The following PDE1C variants were observed in gnomAD, a reference collection of about 807,000 sequenced individuals.
The protein encoded by PDE1C is dual specificity calcium/calmodulin-dependent 3',5'-cyclic nucleotide phosphodiesterase 1C.
PDE1C carries 62 observed loss-of-function variants against 93.1 expected under a neutral mutation model. The ratio of observed to expected loss-of-function variants is 0.67; its 90% CI spans 0.54 to 0.82. The LOEUF (loss-of-function observed/expected upper bound fraction) is 0.82. PDE1C is among the 40% of genes least tolerant of loss of function. PDE1C has a pLI of 0.00. For missense variants in PDE1C, 742 were observed against 884.6 expected (o/e 0.84, Z 2.04); for synonymous variants, 325 against 310.1 (o/e 1.05, Z -0.50).
At chr7:31,725,267 C>T in the PDE1C span, among the ~76,000 whole-genome samples, 1 of 152,292 alleles carries the variant, frequency 6.6e-6, no homozygotes, top group South Asian at 2.1e-4. Flanking sequence ...GAAGGGAGCT[C>T]TCTCTACATT....
chr7:32,293,389 G>A (rs1290065878), intron 1 of PDE1C, among the ~76,000 whole-genome samples: 1 of 152,120 alleles, frequency 6.6e-6, no homozygotes, highest in South Asian at 2.1e-4. Context: ...CATTGTGAGA[G>A]CTCCTCAGGC....
At chr7:32,169,455 T>G (rs1431120194) in intron 3 of PDE1C, among the ~76,000 whole-genome samples, 2 of 152,202 alleles carry the variant, frequency 1.3e-5, no homozygotes, top group African/African-American at 4.8e-5. Flanking sequence ...CTCTATGCCC[T>G]TATCTGGATG....
At chr7:31,836,087 T>C (rs1791059544) in intron 11 of PDE1C, among the ~76,000 whole-genome samples, 1 of 152,190 alleles carries the variant, frequency 6.6e-6, no homozygotes, top group Admixed American at 6.5e-5. Flanking sequence ...ATTAACTGAA[T>C]TAGCTGTATT....
intron 2 of PDE1C, among the ~76,000 whole-genome samples, chr7:32,043,965 T>C (rs1235448799): frequency 6.6e-6 from 1 of 152,192 alleles, no homozygotes; most frequent in African/African-American, 2.4e-5. Flanking sequence ...ACTATGACGT[T>C]AGTTCTGACC....
chr7:31,641,038 G>C, the PDE1C span, among the ~76,000 whole-genome samples: 109,014 of 151,968 alleles, frequency 0.72, 39,782 homozygotes, highest in East Asian at 0.83. Context: ...GGGTTGGCCA[G>C]CTCTGAGACT....
chr7:31,884,294 A>C lies in PDE1C; in HGVS notation c.129-3434T>G, dbSNP rs144228394. Among the ~76,000 whole-genome samples the C allele has an allele frequency of 9.8e-5, 15 of 152,360 alleles. No individual in the cohort carries two copies. The East Asian group carries it at 2.9e-3, about 29-fold the overall frequency. ...GTGAAAGGATTCACTTTTGAAAAAAAAAATCACTAATGGAAACAGAAGTGA... is the reference window on the plus strand; with the variant it reads ...GTGAAAGGATTCACTTTTGAAAAAACAAATCACTAATGGAAACAGAAGTGA... On this transcript the variant is annotated intron_variant, in intron 2 of 17. Coordinates refer to ENST00000396191, the MANE Select transcript of PDE1C (RefSeq NM_001191057.4).
At chr7:32,114,258 T>C (rs1798857243) in intron 3 of PDE1C, among the ~76,000 whole-genome samples, 1 of 152,156 alleles carries the variant, frequency 6.6e-6, no homozygotes, top group Non-Finnish European at 1.5e-5. Context: ...AATATGGTAC[T>C]GCTACAAAAA....
chr7:32,078,993 T>G lies in PDE1C; in HGVS notation c.308+90792A>C, dbSNP rs1019124828. Among the ~76,000 whole-genome samples the G allele has an allele frequency of 2.6e-5, 4 of 152,098 alleles. No individual in the cohort carries two copies. In the East Asian group the frequency reaches 7.7e-4, roughly 29 times the overall value. On this transcript the variant is annotated intron_variant, in intron 3 of 18. Transcript: ENST00000396193. ...CCAATAGGGAAGCATTAAAATCTGT[T>G]GAGCAGGTGTGTAGGAGATGCAAAG...
chr7:31,648,844 T>G, the PDE1C span, among the ~76,000 whole-genome samples: 1 of 152,192 alleles, frequency 6.6e-6, no homozygotes, highest in African/African-American at 2.4e-5. Context: ...GACTCAGATC[T>G]TAGAAGAAAA....
chr7:31,904,540 A>G lies in PDE1C; in HGVS notation c.129-23680T>C, dbSNP rs529932378. Among the ~76,000 whole-genome samples the G allele has an allele frequency of 1.9e-3, 292 of 152,144 alleles. 1 individual carries two copies. Among genetic ancestry groups the G allele is most frequent in the African/African-American group, 6.2e-3 (259 of 41,514 alleles). Reference sequence around the variant, plus strand: ...TTTAAATATGGAGCAAGTTTTATGTATAAGTATTACTCTACTGATCCCTGC... The same window carrying G: ...TTTAAATATGGAGCAAGTTTTATGTGTAAGTATTACTCTACTGATCCCTGC... On this transcript the variant is annotated intron_variant, in intron 2 of 17. Transcript: ENST00000396191.
At position 31,753,328 on chromosome 7, in the gene PDE1C, G is replaced by C; in HGVS notation, c.*56C>G. 2 of 1,574,796 alleles carry C rather than the reference G, an allele frequency of 1.3e-6. No homozygotes were observed. Among genetic ancestry groups the C allele is most frequent in the Non-Finnish European group, 8.6e-7 (1 of 1,160,746 alleles). On this transcript the variant is annotated 3_prime_UTR_variant, in exon 18 of 18. Transcript: ENST00000396191. ...AGGTGTGTCCTGCTGTGGCCAGTGG[G>C]TGCTGAGAAGCAGATAGGTAGACCC... is the stretch of plus-strand genomic sequence containing the variant.
intron 1 of PDE1C, among the ~76,000 whole-genome samples, chr7:32,283,169 T>C (rs1000355149): frequency 2.0e-5 from 3 of 152,104 alleles, no homozygotes; most frequent in Admixed American, 6.5e-5. Context: ...CACCCAACAA[T>C]AGAGGACCAG....
intron 3 of PDE1C, among the ~76,000 whole-genome samples, chr7:32,112,834 G>A (rs1350391702): frequency 1.7e-4 from 10 of 58,078 alleles, no homozygotes; most frequent in African/African-American, 8.4e-4. Context: ...GTGTGTGTGT[G>A]TGTGTGTGTG....
intron 14 of PDE1C, among the ~76,000 whole-genome samples, chr7:31,819,048 C>G (rs187445716): frequency 4.8e-4 from 73 of 152,158 alleles, no homozygotes; most frequent in Non-Finnish European, 1.3e-4. Flanking sequence ...TCGGGCAATT[C>G]AAGTTTACAT....
chr7:31,848,454 T>C (rs982951735), intron 8 of PDE1C, among the ~76,000 whole-genome samples: 3 of 152,130 alleles, frequency 2.0e-5, no homozygotes, highest in African/African-American at 7.2e-5. Flanking sequence ...TATTTTTATT[T>C]TTATTTTATT....
the PDE1C span, among the ~76,000 whole-genome samples, chr7:31,725,665 A>G: frequency 4.6e-5 from 7 of 152,230 alleles, no homozygotes; most frequent in East Asian, 1.3e-3. Context: ...TCCTAGTGTG[A>G]TAAGGTACTA....
chr7:31,638,668 C>T, the PDE1C span, among the ~76,000 whole-genome samples: 1 of 152,150 alleles, frequency 6.6e-6, no homozygotes, highest in Non-Finnish European at 1.5e-5. Flanking sequence ...GAGAAATCTG[C>T]CATCCTTATC....
intron 2 of PDE1C, among the ~76,000 whole-genome samples, chr7:31,893,820 A>C (rs1198377339): frequency 6.6e-6 from 1 of 152,204 alleles, no homozygotes; most frequent in African/African-American, 2.4e-5. Flanking sequence ...TCACGGTGGT[A>C]ATCTGTTCAT....
intron 3 of PDE1C, 83 bp from the exon 4 acceptor site, chr7:31,879,261 C>T: frequency 1.5e-6 from 2 of 1,362,700 alleles, no homozygotes; most frequent in African/African-American, 1.5e-5. Context: ...TCCTCTCTGC[C>T]TCACCTGCAT....
Sources: allele counts gnomAD v4.1 joint callset (sites outside exome capture counted in the v4.1 genomes callset), GRCh38; gene constraint gnomAD v4.1.1; transcripts MANE v1.5; gene names NCBI Gene and HGNC (gene_info 2026-07-23, HGNC 2026-07-21).